MDM2: variants seen among roughly 807,000 people sequenced by gnomAD.
The protein encoded by MDM2 is E3 ubiquitin-protein ligase Mdm2.
MDM2 carries 11 observed loss-of-function variants against 64.3 expected under a neutral mutation model. The ratio of observed to expected loss-of-function variants is 0.17; its 90% confidence interval spans 0.11 to 0.28. MDM2 has a LOEUF of 0.28. MDM2 is among the 10% of genes least tolerant of loss of function. The pLI, the probability that MDM2 is intolerant of heterozygous loss-of-function variation, is 1.00. For synonymous variants in MDM2, 194 were observed against 192.9 expected (o/e 1.01, Z -0.05); for missense variants, 388 against 577.1 (o/e 0.67, Z 3.36).
intron 2 of MDM2, among the ~76,000 whole-genome samples, chr12:68,810,776 A>G (rs1026333598): frequency 1.4e-5 from 2 of 146,844 alleles, no homozygotes; most frequent in African/African-American, 5.0e-5. Context: ...TATTATTATT[A>G]CTATTTTTTT....
At chr12:68,834,753 G>C (rs1883172612) in intron 8 of MDM2, among the ~76,000 whole-genome samples, 1 of 152,032 alleles carries the variant, frequency 6.6e-6, no homozygotes, top group African/African-American at 2.4e-5. Context: ...AATAAAATAA[G>C]TTAAATGATG....
chr12:68,828,063 A>G (rs1281716209), intron 7 of MDM2: 1 of 152,252 alleles, frequency 6.6e-6, no homozygotes, highest in African/African-American at 2.4e-5. Context: ...CCTGGGAGGC[A>G]GAGGTTGCAA....
chr12:68,810,786 T>C (rs1466249397), intron 2 of MDM2, among the ~76,000 whole-genome samples: 2 of 151,690 alleles, frequency 1.3e-5, no homozygotes, highest in Admixed American at 6.6e-5. Flanking sequence ...ACTATTTTTT[T>C]GATAAAAGGT....
chr12:68,846,525 C>T (rs1047183192), downstream of MDM2: 1 of 152,146 alleles, frequency 6.6e-6, no homozygotes, highest in Non-Finnish European at 1.5e-5. Context: ...ATTAAGTAGG[C>T]CTTCCTTCAA....
At chr12:68,820,249 G>A (rs1881728157) in intron 4 of MDM2, 76 bp from the exon 5 acceptor site, 1 of 1,100,460 alleles carries the variant, frequency 9.1e-7, no homozygotes, top group Non-Finnish European at 1.4e-6. Context: ...GTAGAAGTCT[G>A]GTTAGATCCA....
chr12:68,849,563 C>G (rs1036759106), downstream of MDM2: 1 of 152,118 alleles, frequency 6.6e-6, no homozygotes, highest in African/African-American at 2.4e-5. Context: ...CGCATGCCAC[C>G]ATGCATGGCT....
downstream of MDM2, chr12:68,847,534 A>G (rs1330097698): frequency 2.2e-5 from 3 of 139,452 alleles, no homozygotes; most frequent in Admixed American, 7.4e-5. Flanking sequence ...GCTCACTGCA[A>G]GCTCCGCCTC....
chr12:68,824,128 C>T, intron 5 of MDM2: 1 of 446,376 alleles, frequency 2.2e-6, no homozygotes, highest in Non-Finnish European at 3.9e-6. Context: ...GCTAATTTAT[C>T]TAACAGTCTT....
At chr12:68,814,622 G>A in intron 3 of MDM2, 1 of 411,198 alleles carries the variant, frequency 2.4e-6, no homozygotes, top group Non-Finnish European at 4.8e-6. Flanking sequence ...GGCATCCCTG[G>A]ATCCCAGGTT....
In MDM2 at chr12:68,840,706, A is replaced by G. The variant is rs1261308940; in HGVS notation, c.*857A>G. 6.0e-6 allele frequency: 1 copy of G among 167,210 alleles called. No homozygotes were observed. The highest frequency in any genetic ancestry group is 1.3e-5 in the Non-Finnish European group (1 of 77,432). The allele number at this position is 167,210 out of a possible 1,614,324, so 10.4% of individuals were successfully genotyped here. Reference sequence around the variant, plus strand: ...TTTTTAGTAGAGATAGGGTTTCACCATGTTGGCCAGGCTGGTCACGAACTC... The same window carrying G: ...TTTTTAGTAGAGATAGGGTTTCACCGTGTTGGCCAGGCTGGTCACGAACTC... On this transcript the variant is annotated 3_prime_UTR_variant, in exon 11 of 11. Transcript: ENST00000258149.
At chr12:68,816,138 C>G (rs2136119681) in intron 3 of MDM2, among the ~76,000 whole-genome samples, 1 of 152,192 alleles carries the variant, frequency 6.6e-6, no homozygotes, top group East Asian at 1.9e-4. Flanking sequence ...CTAAGTGGCT[C>G]CAGACCACTG....
At chr12:68,822,978 T>G (rs534815523) in intron 5 of MDM2, among the ~76,000 whole-genome samples, 1 of 152,258 alleles carries the variant, frequency 6.6e-6, no homozygotes, top group Non-Finnish European at 1.5e-5. Context: ...TGACCTCAGG[T>G]GATCCTCCCA....
chr12:68,823,529 T>C (rs1277523158), intron 5 of MDM2, among the ~76,000 whole-genome samples: 1 of 152,254 alleles, frequency 6.6e-6, no homozygotes, highest in East Asian at 1.9e-4. Flanking sequence ...TGTTGGTTTT[T>C]ACCTATTTAA....
rs1883713456 is a variant in MDM2 at position 68,840,862 on chromosome 12, T to TG, written c.*1014dup. On this transcript the variant is annotated 3_prime_UTR_variant, in exon 11 of 11. Transcript: ENST00000258149. ...TTTTTTTTTTTTTTTTTTTTTTTTT[T>TG]GAGACAGAGTCTTGCTCCATCACCC... 9.5e-6 allele frequency: 1 copy of TG among 104,742 alleles called. No homozygotes were observed. The highest frequency in any genetic ancestry group is 2.0e-5 in the Non-Finnish European group (1 of 50,390). 6.5% of individuals were successfully genotyped at this position (104,742 alleles called of 1,614,324 possible). A position where few individuals can be genotyped will look rare whatever the true frequency, so the allele number is the denominator to read the frequency against.
At chr12:68,828,967 C>G (rs1399511271) in intron 8 of MDM2, 36 bp downstream of exon 8, 1 of 1,604,918 alleles carries the variant, frequency 6.2e-7, no homozygotes, top group Non-Finnish European at 8.5e-7. Context: ...AAGACTCTTA[C>G]TGTTCAAAGT....
intron 1 of MDM2, chr12:68,808,882 C>G (rs929616711): frequency 7.4e-7 from 1 of 1,355,570 alleles, no homozygotes; most frequent in African/African-American, 1.5e-5. Flanking sequence ...GGGATTGGGC[C>G]GGTTCAGTGG....
intron 4 of MDM2, among the ~76,000 whole-genome samples, chr12:68,817,660 A>G (rs2136123102): frequency 6.6e-6 from 1 of 152,156 alleles, no homozygotes; most frequent in South Asian, 2.1e-4. Flanking sequence ...GAGGCAGTAG[A>G]ATCACTTGAA....
downstream of MDM2, chr12:68,848,718 T>G (rs558238954): frequency 2.0e-5 from 3 of 152,186 alleles, no homozygotes; most frequent in Non-Finnish European, 4.4e-5. Context: ...TTAAGCTTTT[T>G]GTTTTTTTGG....
At chr12:68,813,448 A>C (rs761713021) in intron 2 of MDM2, 106 bp from the exon 3 acceptor site, 1 of 708,208 alleles carries the variant, frequency 1.4e-6, no homozygotes, top group African/African-American at 1.8e-5. Context: ...CCTCCCCAGC[A>C]TTTTTTCCAA....
Sources: allele counts gnomAD v4.1 joint callset (sites outside exome capture counted in the v4.1 genomes callset), GRCh38; gene constraint gnomAD v4.1.1; transcripts MANE v1.5; gene names NCBI Gene and HGNC (gene_info 2026-07-23, HGNC 2026-07-21).